Variants in CIDEA observed in about 807,000 individuals in gnomAD.
The protein encoded by CIDEA is cell death inducing DFFA like effector a.
In CIDEA, 10 loss-of-function variants were observed where a neutral mutation model predicts 18.2. The ratio of observed to expected loss-of-function variants is 0.55; its 90% CI spans 0.34 to 0.93. The LOEUF (loss-of-function observed/expected upper bound fraction) is 0.93. Ranked by LOEUF, CIDEA falls within the 40% of genes least tolerant of loss-of-function variation. The pLI, the probability that CIDEA is intolerant of heterozygous loss-of-function variation, is 0.02. For missense variants in CIDEA, 309 were observed against 293.1 expected (o/e 1.05, Z -0.40); for synonymous variants, 128 against 124.8 (o/e 1.03, Z -0.17).
chr18:12,263,333 G>A (rs1912252330), intron 2 of CIDEA, among the ~76,000 whole-genome samples: 1 of 152,076 alleles, frequency 6.6e-6, no homozygotes, highest in Non-Finnish European at 1.5e-5. Flanking sequence ...AAAAACCACT[G>A]CACCGTATAC....
intron 2 of CIDEA, 99 bp downstream of exon 2, chr18:12,263,068 A>G (rs8090997): frequency 0.55 from 688,648 of 1,255,346 alleles, 194,980 homozygotes; most frequent in African/African-American, 0.85. Context: ...GCACAGAAAG[A>G]TCAAGAAAAG....
chr18:12,277,075 C>T, intron 4 of CIDEA, 48 bp from the exon 5 acceptor site: 1 of 1,607,254 alleles, frequency 6.2e-7, no homozygotes, highest in Non-Finnish European at 8.5e-7. Context: ...CTGTTTCTCA[C>T]TGGCCCAAAA....
rs140536730 is a variant in CIDEA, at chr18:12,270,648, A to G, written c.331-3445A>G. On this transcript the variant is annotated intron_variant, in intron 3 of 4. Coordinates refer to ENST00000320477, the MANE Select transcript of CIDEA (RefSeq NM_001279.4). ...GGTGCAGTGAGCTGAGATAGCACCAATGCACTCCAGCCTGGGCGACAGAGC... is the reference window on the plus strand; with the variant it reads ...GGTGCAGTGAGCTGAGATAGCACCAGTGCACTCCAGCCTGGGCGACAGAGC... Among the ~76,000 whole-genome samples the G allele has an allele frequency of 8.0e-3, 1,129 of 141,880 alleles. 13 individuals carry two copies. The highest frequency in any genetic ancestry group is 0.028 in the African/African-American group (1,054 of 37,612). The allele number at this position is 141,880 out of a possible 152,430, so 93.1% of individuals were successfully genotyped here. A position where few individuals can be genotyped will look rare whatever the true frequency, so the allele number is the denominator to read the frequency against.
In CIDEA at chr18:12,262,958, C is replaced by T. The variant is rs926192173; in HGVS notation, c.172C>T (p.Leu58Phe). The T allele has an allele frequency of 6.2e-7, 1 of 1,614,004 alleles. No individual in the cohort carries two copies. Among genetic ancestry groups the T allele is most frequent in the African/African-American group, 1.3e-5 (1 of 74,926 alleles). ...GGTGATGGCAAGCAGCCTGCAGGAG[C>T]TCATCAGCAAGGTGCCCCACATCCC... ...RGVMASSLQE[L>F]ISKTLDALVI... The change falls in exon 2 of 5, where the codon CTC (leucine) becomes TTC (phenylalanine). Residue 58 changes from leucine (L) to phenylalanine (F), a missense_variant. Coordinates refer to ENST00000320477, the MANE Select transcript of CIDEA (RefSeq NM_001279.4).
At chr18:12,273,704 C>T (rs1021477779) in intron 3 of CIDEA, among the ~76,000 whole-genome samples, 3 of 152,194 alleles carry the variant, frequency 2.0e-5, no homozygotes, top group African/African-American at 7.2e-5. Context: ...TCTCCATTAC[C>T]ATAACTGTGT....
chr18:12,276,971 G>A (rs776393386), intron 4 of CIDEA, 152 bp from the exon 5 acceptor site: 15 of 831,212 alleles, frequency 1.8e-5, no homozygotes, highest in South Asian at 3.4e-5. Flanking sequence ...CCTGGGACAC[G>A]TGCACTCTGA....
intron 3 of CIDEA, 41 bp downstream of exon 3, chr18:12,264,494 CT>C (rs1912288506): frequency 7.4e-7 from 1 of 1,356,166 alleles, no homozygotes; most frequent in Non-Finnish European, 9.7e-7. Context: ...ACTGGGTAGA[CT>C]TTTTACCTAC....
intron 3 of CIDEA, among the ~76,000 whole-genome samples, chr18:12,273,783 A>G (rs1912617868): frequency 6.6e-6 from 1 of 152,148 alleles, no homozygotes; most frequent in Non-Finnish European, 1.5e-5. Flanking sequence ...GTGGGTCCCC[A>G]CCACTCATCA....
At chr18:12,254,563 C>CCCGCGCACACATCCAT in intron 1 of CIDEA, 142 bp downstream of exon 1, 1 of 1,509,726 alleles carries the variant, frequency 6.6e-7, no homozygotes, top group South Asian at 1.2e-5. Context: ...GCTCCGCGAC[C>CCCGCGCACACATCCAT]CCGCGCACAC....
At chr18:12,276,393 A>G (rs1200850288) in intron 4 of CIDEA, among the ~76,000 whole-genome samples, 1 of 152,050 alleles carries the variant, frequency 6.6e-6, no homozygotes, top group Non-Finnish European at 1.5e-5. Flanking sequence ...CTTGGACTCA[A>G]GCGATCCTCC....
chr18:12,272,064 A>G (rs1912549443), intron 3 of CIDEA, among the ~76,000 whole-genome samples: 1 of 146,652 alleles, frequency 6.8e-6, no homozygotes, highest in Non-Finnish European at 1.5e-5. Flanking sequence ...AGCTTTCCAA[A>G]CACGTTTCCC....
chr18:12,273,825 T>TA (rs1673714832), intron 3 of CIDEA, among the ~76,000 whole-genome samples: 1 of 152,182 alleles, frequency 6.6e-6, no homozygotes. Flanking sequence ...AACGGGGTCC[T>TA]AAAATCCAGG....
In CIDEA at chr18:12,274,189, G is replaced by A. The variant is rs146414752; in HGVS notation, c.427G>A (p.Gly143Ser). 45 of 1,614,086 alleles carry A rather than the reference G, an allele frequency of 2.8e-5. No individual in the cohort carries two copies. Among genetic ancestry groups the A allele is most frequent in the Middle Eastern group, 3.3e-4 (2 of 6,084 alleles). ...CAGGCTGAACCCCAAGGACTTCATC[G>A]GCTGCCTTAACGTGAAGGCCACCAT... ...LYRLNPKDFI[G>S]CLNVKATMYE... The change falls in exon 4 of 5, where the codon GGC (glycine) becomes AGC (serine). Residue 143 changes from glycine to serine, a missense_variant. Transcript: ENST00000320477.
chr18:12,270,100 A>C (rs1301736121), intron 3 of CIDEA, among the ~76,000 whole-genome samples: 1 of 152,204 alleles, frequency 6.6e-6, no homozygotes, highest in Non-Finnish European at 1.5e-5. Flanking sequence ...GATAATTCAA[A>C]AATATGCAAA....
chr18:12,268,076 G>GT (rs1912401759), intron 3 of CIDEA, among the ~76,000 whole-genome samples: 1 of 152,040 alleles, frequency 6.6e-6, no homozygotes, highest in South Asian at 2.1e-4. Context: ...TTGTTTGCTT[G>GT]TTTTTTGAGA....
At chr18:12,274,542 C>T (rs573739856) in intron 4 of CIDEA, among the ~76,000 whole-genome samples, 35 of 152,338 alleles carry the variant, frequency 2.3e-4, no homozygotes, top group African/African-American at 4.8e-4. Flanking sequence ...AGAGGAACCA[C>T]ATTCATTTTA....
Position 12,254,423 on chromosome 18 carries a change from C to T in CIDEA, c.38+2C>T. On this transcript the variant is annotated splice_donor_variant, in intron 1 of 4. Transcript: ENST00000320477. LOFTEE classifies it low-confidence loss of function (GC_TO_GT_DONOR). ...GGACTATGCAGGAGCCCTCATCAGGCGAGTGCCCCGCGTCCCCCTGATTGC... is the reference window on the plus strand; with the variant it reads ...GGACTATGCAGGAGCCCTCATCAGGTGAGTGCCCCGCGTCCCCCTGATTGC... 1 of 1,590,232 alleles carries T rather than the reference C, an allele frequency of 6.3e-7. No homozygotes were observed. Among genetic ancestry groups the T allele is most frequent in the Non-Finnish European group, 8.5e-7 (1 of 1,171,212 alleles).
chr18:12,262,076 A>G (rs1598775683), intron 1 of CIDEA, among the ~76,000 whole-genome samples: 1 of 152,080 alleles, frequency 6.6e-6, no homozygotes. Flanking sequence ...CTGAGGCAGG[A>G]GGATCGCTTG....
At chr18:12,261,047 T>C (rs547145199) in intron 1 of CIDEA, among the ~76,000 whole-genome samples, 5 of 152,138 alleles carry the variant, frequency 3.3e-5, no homozygotes, top group Non-Finnish European at 7.4e-5. Flanking sequence ...TGATTTCTGA[T>C]TGTGTTATTT....
Sources: allele counts gnomAD v4.1 joint callset (sites outside exome capture counted in the v4.1 genomes callset), GRCh38; gene constraint gnomAD v4.1.1; transcripts MANE v1.5; gene names NCBI Gene and HGNC (gene_info 2026-07-23, HGNC 2026-07-21).